Variants in MACROD2 observed in about 807,000 individuals in gnomAD.
MACROD2 encodes ADP-ribose glycohydrolase MACROD2.
In MACROD2, 36 loss-of-function variants were observed where a neutral mutation model predicts 70.4. That is an observed-to-expected ratio of 0.51 (90% CI 0.39 to 0.68). MACROD2 has a LOEUF of 0.68. Ranked by LOEUF, MACROD2 falls within the 30% of genes least tolerant of loss-of-function variation. The pLI is 0.00. For synonymous variants in MACROD2, 172 were observed against 178.8 expected, an observed-to-expected ratio of 0.96 and a Z score of 0.30; for missense variants, 496 against 538.4, an observed-to-expected ratio of 0.92 and a Z score of 0.78.
intron 3 of MACROD2, chr20:14,328,923 A>C (rs892918764): frequency 6.6e-6 from 1 of 151,852 alleles, no homozygotes; most frequent in Non-Finnish European, 1.5e-5. Flanking sequence ...TAATTCCCTT[A>C]GTGGAAATTG....
In MACROD2 at chr20:15,019,876, C is replaced by T. The variant is rs545378203; in HGVS notation, c.419-210064C>T. 3.2e-4 allele frequency among the ~76,000 whole-genome samples: 48 copies of T among 151,910 alleles called. No homozygotes were observed. The South Asian group carries it at 4.6e-3, about 15-fold the overall frequency. ...TAGAAAGAGAGAAAGCAAATTTTTA[C>T]GAACATTTTATTGATGAAATTAAAC... On this transcript the variant is annotated intron_variant, in intron 5 of 17. Transcript: ENST00000684519.
chr20:15,652,287 T>G (rs1234372303), intron 8 of MACROD2, among the ~76,000 whole-genome samples: 1 of 152,230 alleles, frequency 6.6e-6, no homozygotes, highest in Non-Finnish European at 1.5e-5. Flanking sequence ...GAAATGTTAG[T>G]GCTAGTTCTG....
intron 3 of MACROD2, among the ~76,000 whole-genome samples, chr20:14,266,670 G>T (rs1303514737): frequency 6.6e-6 from 1 of 152,074 alleles, no homozygotes; most frequent in Non-Finnish European, 1.5e-5. Flanking sequence ...TTCCTGGGAA[G>T]TTATTGTTTT....
intron 8 of MACROD2, among the ~76,000 whole-genome samples, chr20:15,745,372 T>G (rs2051167203): frequency 6.6e-6 from 1 of 152,148 alleles, no homozygotes; most frequent in African/African-American, 2.4e-5. Context: ...AAGCCAAGCA[T>G]TTTTCTGGAT....
At chr20:14,636,233 G>A (rs911242076) in intron 4 of MACROD2, among the ~76,000 whole-genome samples, 4 of 151,660 alleles carry the variant, frequency 2.6e-5, no homozygotes, top group Admixed American at 6.6e-5. Context: ...AATTTGTTTC[G>A]GAAGTTCCTA....
At chr20:14,789,097 C>T (rs1568796647) in intron 5 of MACROD2, among the ~76,000 whole-genome samples, 1 of 151,794 alleles carries the variant, frequency 6.6e-6, no homozygotes, top group Non-Finnish European at 1.5e-5. Context: ...GGTATCCTTG[C>T]TGTAATTTTT....
chr20:14,574,508 C>G (rs1281083662), intron 4 of MACROD2, among the ~76,000 whole-genome samples: 4 of 152,072 alleles, frequency 2.6e-5, no homozygotes, highest in Non-Finnish European at 4.4e-5. Context: ...CTGCAGAGCC[C>G]ATAACAGTCT....
At chr20:15,647,163 A>G (rs1228861645) in intron 8 of MACROD2, among the ~76,000 whole-genome samples, 1 of 152,250 alleles carries the variant, frequency 6.6e-6, no homozygotes, top group Non-Finnish European at 1.5e-5. Flanking sequence ...CAGCGATGCT[A>G]TGGAATCTTA....
intron 5 of MACROD2, among the ~76,000 whole-genome samples, chr20:14,700,678 G>A (rs2071186814): frequency 6.6e-6 from 1 of 152,048 alleles, no homozygotes; most frequent in African/African-American, 2.4e-5. Context: ...CATTTAAACA[G>A]GGGAACTAAA....
At chr20:14,837,772 A>G (rs2073045508) in intron 5 of MACROD2, among the ~76,000 whole-genome samples, 2 of 152,120 alleles carry the variant, frequency 1.3e-5, no homozygotes. Flanking sequence ...GGCTTTACCT[A>G]TATCATGCCC....
In MACROD2 at chr20:14,326,428, A is replaced by G. The variant is rs759473524; in HGVS notation, c.272-167051A>G. On this transcript the variant is annotated intron_variant, in intron 3 of 17. Transcript: ENST00000684519. This position sits in a 1 kb window ranked among gnomAD's most constrained non-coding sequence, Gnocchi z 5.5. ...AGTGGTTATCTGAATGGTGCTTACA[A>G]TCCCACTGTCCTTACAATCAAACAG... 3 of 1,613,876 alleles carry G rather than the reference A, an allele frequency of 1.9e-6. No individual in the cohort carries two copies. Among genetic ancestry groups the G allele is most frequent in the South Asian group, 2.2e-5 (2 of 91,070 alleles).
At chr20:15,776,443 C>T (rs1373882651) in intron 8 of MACROD2, among the ~76,000 whole-genome samples, 1 of 152,176 alleles carries the variant, frequency 6.6e-6, no homozygotes, top group Non-Finnish European at 1.5e-5. Flanking sequence ...CCTTTGCTGG[C>T]TGATGCTGAC....
intron 6 of MACROD2, among the ~76,000 whole-genome samples, chr20:15,421,725 C>A (rs1310005464): frequency 6.6e-6 from 1 of 152,116 alleles, no homozygotes; most frequent in African/African-American, 2.4e-5. Flanking sequence ...TTCCAGACAC[C>A]ATTCTAGGTG....
intron 8 of MACROD2, among the ~76,000 whole-genome samples, chr20:15,733,805 T>A (rs189551177): frequency 2.6e-4 from 39 of 152,332 alleles, no homozygotes; most frequent in Non-Finnish European, 5.1e-4. Flanking sequence ...TTATTATCTG[T>A]ATTTTTGCCT....
chr20:14,155,888 G>A (rs2055095579), intron 3 of MACROD2, among the ~76,000 whole-genome samples: 1 of 152,154 alleles, frequency 6.6e-6, no homozygotes, highest in Non-Finnish European at 1.5e-5. Context: ...TTAGCTGGGT[G>A]CAGTGGCTCA....
intron 7 of MACROD2, among the ~76,000 whole-genome samples, chr20:15,446,537 C>T (rs2146384559): frequency 6.6e-6 from 1 of 152,342 alleles, no homozygotes; most frequent in Admixed American, 6.5e-5. Flanking sequence ...GGAAGGTGCA[C>T]ATCCCGTGGT....
At chr20:15,257,940 G>A (rs1305944491) in intron 6 of MACROD2, among the ~76,000 whole-genome samples, 1 of 151,960 alleles carries the variant, frequency 6.6e-6, no homozygotes, top group African/African-American at 2.4e-5. Flanking sequence ...AGTGGGACAA[G>A]ATGTGGAGGA....
At chr20:15,518,042 T>C (rs1237183) in intron 8 of MACROD2, among the ~76,000 whole-genome samples, 113,990 of 152,214 alleles carry the variant, frequency 0.75, 42,890 homozygotes, top group East Asian at 0.95. Context: ...CAAAGGCATC[T>C]GCCATAAAGC....
chr20:14,489,369 T>G (rs2084768864), intron 3 of MACROD2, among the ~76,000 whole-genome samples: 1 of 152,244 alleles, frequency 6.6e-6, no homozygotes, highest in South Asian at 2.1e-4. Flanking sequence ...ATAAAGTGGT[T>G]CTAGAATCAT....
Sources: gnomAD v4.1 joint callset for allele counts (sites outside exome capture counted in the v4.1 genomes callset) on GRCh38, gnomAD v4.1.1 for gene constraint, Gnocchi (gnomAD v3.1) non-coding constraint, MANE v1.5 for transcripts, NCBI Gene and HGNC (gene_info 2026-07-23, HGNC 2026-07-21) for gene names.